The following NRXN1 variants were observed in gnomAD, a reference collection of about 807,000 sequenced individuals.
NRXN1 encodes neurexin 1.
A neutral mutation model predicts 150.9 loss-of-function variants in NRXN1; 39 were observed. That is an observed-to-expected ratio of 0.26 (90% CI 0.20 to 0.34). The LOEUF is 0.34. NRXN1 is among the 10% of genes least tolerant of loss of function. The pLI is 1.00. For synonymous variants in NRXN1, 924 were observed against 757.0 expected (o/e 1.22, Z -3.62); for missense variants, 1,815 against 1,949.9 (o/e 0.93, Z 1.30).
intron 17 of NRXN1, among the ~76,000 whole-genome samples, chr2:50,248,960 A>T (rs1005082606): frequency 6.6e-5 from 10 of 151,918 alleles, no homozygotes; most frequent in Non-Finnish European, 8.8e-5. Flanking sequence ...TAGCCTGGGC[A>T]ACATAGCAAG....
At chr2:49,997,116 T>C (rs1359249709) in intron 21 of NRXN1, among the ~76,000 whole-genome samples, 1 of 152,196 alleles carries the variant, frequency 6.6e-6, no homozygotes, top group Non-Finnish European at 1.5e-5. Context: ...TGAAATCTTT[T>C]TCGAACACAG....
At chr2:50,360,808 A>G (rs1483257544) in intron 17 of NRXN1, among the ~76,000 whole-genome samples, 2 of 152,236 alleles carry the variant, frequency 1.3e-5, no homozygotes, top group Non-Finnish European at 2.9e-5. Flanking sequence ...AACAGAATAT[A>G]CATTCTTCTC....
At chr2:49,956,179 A>G (rs1368006560) in intron 21 of NRXN1, among the ~76,000 whole-genome samples, 1 of 152,152 alleles carries the variant, frequency 6.6e-6, no homozygotes, top group Non-Finnish European at 1.5e-5. Context: ...GTATAATCAG[A>G]AAAATAGAAG....
At chr2:50,233,065 G>A (rs1356437394) in intron 18 of NRXN1, among the ~76,000 whole-genome samples, 1 of 108,080 alleles carries the variant, frequency 9.3e-6, no homozygotes, top group Non-Finnish European at 2.0e-5. Flanking sequence ...TTACTTGACT[G>A]TTAAATAATT....
chr2:50,310,013 A>G (rs575490429), intron 17 of NRXN1, among the ~76,000 whole-genome samples: 1 of 152,172 alleles, frequency 6.6e-6, no homozygotes, highest in Non-Finnish European at 1.5e-5. Flanking sequence ...CTATGTTTTC[A>G]GTTCCAGATG....
intron 17 of NRXN1, among the ~76,000 whole-genome samples, chr2:50,333,462 T>G (rs915630283): frequency 1.3e-5 from 2 of 152,124 alleles, no homozygotes; most frequent in Non-Finnish European, 2.9e-5. Context: ...AATATTAGCA[T>G]GACATCTATC....
chr2:50,664,785 A>C (rs1465122528), intron 5 of NRXN1, among the ~76,000 whole-genome samples: 1 of 151,816 alleles, frequency 6.6e-6, no homozygotes, highest in East Asian at 1.9e-4. Context: ...CCTAAAAAAA[A>C]AAAAACAAAA....
chr2:50,642,709 A>G (rs1031524052), intron 5 of NRXN1, among the ~76,000 whole-genome samples: 2 of 152,014 alleles, frequency 1.3e-5, no homozygotes, highest in African/African-American at 2.4e-5. Context: ...CAATCTACCA[A>G]AATTGAAGGT....
At chr2:50,881,342 C>T (rs1056243299) in intron 5 of NRXN1, among the ~76,000 whole-genome samples, 1 of 151,844 alleles carries the variant, frequency 6.6e-6, no homozygotes, top group Non-Finnish European at 1.5e-5. Context: ...CACATTTCTC[C>T]CTTGTTCCAG....
At chr2:50,476,288 G>A (rs1233286595) in intron 15 of NRXN1, among the ~76,000 whole-genome samples, 1 of 152,096 alleles carries the variant, frequency 6.6e-6, no homozygotes, top group Non-Finnish European at 1.5e-5. Context: ...GTGATATCAT[G>A]AGTATCCATT....
At chr2:50,706,320 T>C (rs1279995488) in intron 5 of NRXN1, among the ~76,000 whole-genome samples, 12 of 152,216 alleles carry the variant, frequency 7.9e-5, no homozygotes, top group Non-Finnish European at 1.2e-4. Flanking sequence ...GTTCTGAGTT[T>C]GAGAAGACGG....
At chr2:50,202,417 A>G (rs573493786) in intron 18 of NRXN1, among the ~76,000 whole-genome samples, 1 of 152,208 alleles carries the variant, frequency 6.6e-6, no homozygotes, top group Non-Finnish European at 1.5e-5. Flanking sequence ...AAGGCAGGAG[A>G]ATTGCTTGAA....
chr2:51,021,920 A>C lies in NRXN1; in HGVS notation c.772+5582T>G, dbSNP rs997773501. 2.6e-5 allele frequency among the ~76,000 whole-genome samples: 4 copies of C among 152,086 alleles called. No homozygotes were observed. In the East Asian group the frequency reaches 7.7e-4, roughly 29 times the overall value. ...AGTTTCTACATATACTTTTGTGTTA[A>C]GTGCTTGCTAAATCACAAAATTCTC... On this transcript the variant is annotated intron_variant, in intron 2 of 22. Coordinates refer to ENST00000401669, the MANE Select transcript of NRXN1 (RefSeq NM_001330078.2).
intron 17 of NRXN1, among the ~76,000 whole-genome samples, chr2:50,240,576 T>C (rs1019540158): frequency 5.3e-5 from 8 of 151,816 alleles, no homozygotes; most frequent in South Asian, 2.1e-4. Context: ...TTAACACACA[T>C]CTTTCTGAAC....
intron 22 of NRXN1, among the ~76,000 whole-genome samples, chr2:49,941,268 TTAA>T (rs1671928290): frequency 6.6e-6 from 1 of 151,376 alleles, no homozygotes; most frequent in South Asian, 2.1e-4. Flanking sequence ...AGTATGGCAA[TTAA>T]TAAGCTGCTA....
chr2:49,966,014 C>T (rs1308816314), intron 21 of NRXN1, among the ~76,000 whole-genome samples: 1 of 152,164 alleles, frequency 6.6e-6, no homozygotes, highest in Non-Finnish European at 1.5e-5. Flanking sequence ...CTTACGAATA[C>T]CAGAGAGAAA....
rs148906622 is a variant in NRXN1, at chr2:50,530,281, C to T, written c.2347+946G>A. Reference sequence around the variant, plus strand: ...CATAAACAAACAAGACTTTGAAAAGCCAAGCGTGGGAAGAAAACTGATTTC... The same window carrying T: ...CATAAACAAACAAGACTTTGAAAAGTCAAGCGTGGGAAGAAAACTGATTTC... On this transcript the variant is annotated intron_variant, in intron 11 of 22. Transcript: ENST00000401669. Among the ~76,000 whole-genome samples the T allele has an allele frequency of 3.9e-3, 595 of 152,114 alleles. 5 individuals are homozygous for T. Among genetic ancestry groups the T allele is most frequent in the African/African-American group, 0.014 (572 of 41,498 alleles).
chr2:50,824,058 A>G (rs1670101586), intron 5 of NRXN1, among the ~76,000 whole-genome samples: 1 of 152,214 alleles, frequency 6.6e-6, no homozygotes, highest in Non-Finnish European at 1.5e-5. Flanking sequence ...ATCTGATTAT[A>G]GAGCAGGATT....
chr2:50,288,652 A>G (rs2072506301), intron 17 of NRXN1, among the ~76,000 whole-genome samples: 1 of 152,138 alleles, frequency 6.6e-6, no homozygotes, highest in African/African-American at 2.4e-5. Flanking sequence ...AAGAGAGAAC[A>G]TGCAGGGAAC....
Sources: allele counts gnomAD v4.1 joint callset (sites outside exome capture counted in the v4.1 genomes callset), GRCh38; gene constraint gnomAD v4.1.1; transcripts MANE v1.5; gene names NCBI Gene and HGNC (gene_info 2026-07-23, HGNC 2026-07-21).